Variants in GCNT1 observed in about 807,000 individuals in gnomAD.
GCNT1 encodes the protein beta-1,3-galactosyl-O-glycosyl-glycoprotein beta-1,6-N-acetylglucosaminyltransferase.
In GCNT1, 16 loss-of-function variants were observed where a neutral mutation model predicts 26.2. The ratio of observed to expected loss-of-function variants is 0.61; its 90% CI spans 0.41 to 0.93. The LOEUF (loss-of-function observed/expected upper bound fraction) is 0.93. GCNT1 is among the 40% of genes least tolerant of loss of function. GCNT1 has a pLI of 0.00. For missense variants in GCNT1, 477 were observed against 526.7 expected (o/e 0.91, Z 0.92); for synonymous variants, 183 against 190.8 (o/e 0.96, Z 0.34).
At chr9:76,485,882 G>A (rs752387297) in intron 2 of GCNT1, among the ~76,000 whole-genome samples, 10 of 152,256 alleles carry the variant, frequency 6.6e-5, no homozygotes, top group South Asian at 2.1e-4. Flanking sequence ...ACAGGTGTGC[G>A]CCACCACATC....
intron 2 of GCNT1, among the ~76,000 whole-genome samples, chr9:76,484,817 C>G (rs1824524873): frequency 7.6e-6 from 1 of 131,856 alleles, no homozygotes; most frequent in Admixed American, 8.8e-5. Context: ...GAGATGGAAT[C>G]TCACTCTGTT....
the GCNT1 span, among the ~76,000 whole-genome samples, chr9:76,412,330 A>C: frequency 6.6e-6 from 1 of 152,136 alleles, no homozygotes; most frequent in East Asian, 1.9e-4. Context: ...TTAAGTTTTT[A>C]TTTACCTTAA....
chr9:76,403,910 G>T, the GCNT1 span, among the ~76,000 whole-genome samples: 1 of 152,164 alleles, frequency 6.6e-6, no homozygotes, highest in Admixed American at 6.5e-5. Flanking sequence ...TGGTATAGGA[G>T]ATAAAGATGC....
chr9:76,413,664 T>G, the GCNT1 span, among the ~76,000 whole-genome samples: 464 of 117,144 alleles, frequency 4.0e-3, 8 homozygotes, highest in East Asian at 0.047. Context: ...TTTTTTTTTT[T>G]TTTGTTTTTT....
chr9:76,506,823 G>C lies in GCNT1; in HGVS notation c.*3155G>C, dbSNP rs1489114299. On this transcript the variant is annotated 3_prime_UTR_variant, in exon 4 of 4. Coordinates refer to ENST00000376730, the MANE Select transcript of GCNT1 (RefSeq NM_001490.5). ...AGTAGATTTTCTCTTGTAGTGATTT[G>C]GGTAGGAAGAGGCCATGTTTCAGTT... 2 of 167,006 alleles carry C rather than the reference G, an allele frequency of 1.2e-5. No individual in the cohort carries two copies. Among genetic ancestry groups the C allele is most frequent in the East Asian group, 3.9e-4 (2 of 5,180 alleles). 10.3% of individuals were successfully genotyped at this position (167,006 alleles called of 1,614,324 possible).
At chr9:76,428,777 C>T (rs929634785) in intron 1 of GCNT1, among the ~76,000 whole-genome samples, 112 of 148,624 alleles carry the variant, frequency 7.5e-4, no homozygotes, top group African/African-American at 2.6e-3. Flanking sequence ...CTCAGCTCAT[C>T]GCAACCTCTG....
intron 2 of GCNT1, among the ~76,000 whole-genome samples, chr9:76,472,662 A>G (rs1209544164): frequency 6.6e-6 from 1 of 151,892 alleles, no homozygotes; most frequent in Non-Finnish European, 1.5e-5. Flanking sequence ...TTTACAGTAG[A>G]CCTGACTGTC....
intron 1 of GCNT1, among the ~76,000 whole-genome samples, chr9:76,422,412 G>A (rs1295872839): frequency 6.6e-6 from 1 of 152,160 alleles, no homozygotes; most frequent in South Asian, 2.1e-4. Flanking sequence ...TCACTATGCA[G>A]ATAGATAGTT....
upstream of GCNT1, among the ~76,000 whole-genome samples, chr9:76,439,605 C>G (rs1475237203): frequency 6.6e-6 from 1 of 152,054 alleles, no homozygotes; most frequent in East Asian, 1.9e-4. Flanking sequence ...GGAGGTAAAT[C>G]AGTTGTTGGT....
chr9:76,468,904 G>T (rs201018596), intron 2 of GCNT1, among the ~76,000 whole-genome samples: 1 of 152,266 alleles, frequency 6.6e-6, no homozygotes, highest in East Asian at 1.9e-4. Flanking sequence ...TTGTACATTT[G>T]TGAGTTATCA....
At chr9:76,500,114 T>C (rs896608279) in intron 2 of GCNT1, among the ~76,000 whole-genome samples, 2 of 151,742 alleles carry the variant, frequency 1.3e-5, no homozygotes, top group Admixed American at 6.6e-5. Flanking sequence ...TGGACCAGAC[T>C]TTTGTGTTTC....
rs1825096811 is a variant in GCNT1, at chr9:76,502,315, A to G, written c.-67A>G. ...CAACCTTCAAGGCCACGACGGAGGG[A>G]AAATCATTGGTGCTTGGAGCATAGA... On this transcript the variant is annotated 5_prime_UTR_variant, in exon 4 of 4. Coordinates refer to ENST00000376730, the MANE Select transcript of GCNT1 (RefSeq NM_001490.5). The G allele has an allele frequency of 6.2e-6, 7 of 1,130,516 alleles. No individual in the cohort carries two copies. In the South Asian group the frequency reaches 1.1e-4, roughly 17 times the overall value. 70.0% of individuals were successfully genotyped at this position (1,130,516 alleles called of 1,614,324 possible).
intron 1 of GCNT1, among the ~76,000 whole-genome samples, chr9:76,421,465 A>G (rs1206096990): frequency 6.6e-6 from 1 of 151,562 alleles, no homozygotes; most frequent in Non-Finnish European, 1.5e-5. Context: ...TTAGCTGACC[A>G]TGGTGGTGTG....
At chr9:76,440,057 C>T (rs886436796), upstream of GCNT1, among the ~76,000 whole-genome samples, 6 of 151,400 alleles carry the variant, frequency 4.0e-5, no homozygotes, top group African/African-American at 1.5e-4. Flanking sequence ...GCCGAAATCC[C>T]ACCATTGCAC....
At chr9:76,490,548 T>TA (rs1564243703) in intron 2 of GCNT1, among the ~76,000 whole-genome samples, 3 of 152,236 alleles carry the variant, frequency 2.0e-5, no homozygotes, top group African/African-American at 7.2e-5. Flanking sequence ...TAATACACGT[T>TA]ACACTGTTAA....
intron 2 of GCNT1, among the ~76,000 whole-genome samples, chr9:76,488,588 G>A (rs1411762513): frequency 6.6e-6 from 1 of 152,152 alleles, no homozygotes; most frequent in Non-Finnish European, 1.5e-5. Flanking sequence ...GGGTTCAAGC[G>A]ATTGTTCTGT....
Position 76,465,082 on chromosome 9 carries a change from A to G in GCNT1, c.-290+4905A>G, listed in dbSNP as rs558093335. On this transcript the variant is annotated intron_variant, in intron 2 of 3. Transcript: ENST00000376730. ...ACACTGCCATCAAACTCCTGGGCTC[A>G]AGTGATCCTCCTGCCTCAGCCTCCC... Among the ~76,000 whole-genome samples, 25 of 152,162 alleles carry G rather than the reference A, an allele frequency of 1.6e-4. No homozygotes were observed. The East Asian group carries it at 4.6e-3, about 28-fold the overall frequency.
At chr9:76,470,055 TAAGA>T (rs1177307063) in intron 2 of GCNT1, among the ~76,000 whole-genome samples, 1 of 152,186 alleles carries the variant, frequency 6.6e-6, no homozygotes, top group Non-Finnish European at 1.5e-5. Flanking sequence ...GGGTCTATAC[TAAGA>T]AATTTTGCAT....
At chr9:76,398,261 AAAT>A in the GCNT1 span, among the ~76,000 whole-genome samples, 1 of 152,282 alleles carries the variant, frequency 6.6e-6, no homozygotes, top group Non-Finnish European at 1.5e-5. Flanking sequence ...AGCAATAAGA[AAAT>A]AAGCAACTCA....
Sources: gnomAD v4.1 joint callset for allele counts (sites outside exome capture counted in the v4.1 genomes callset) on GRCh38, gnomAD v4.1.1 for gene constraint, MANE v1.5 for transcripts, NCBI Gene and HGNC (gene_info 2026-07-23, HGNC 2026-07-21) for gene names.